NT5DC1: variants seen among roughly 807,000 people sequenced by gnomAD.
NT5DC1 encodes 5'-nucleotidase domain containing 1, also known as 5'-nucleotidase domain-containing protein 1.
NT5DC1 carries 42 observed loss-of-function variants against 59.4 expected under a neutral mutation model. That is an observed-to-expected ratio of 0.71 (90% CI 0.55 to 0.92). The LOEUF is 0.92. Ranked by LOEUF, NT5DC1 falls within the 40% of genes least tolerant of loss-of-function variation. The pLI, the probability that NT5DC1 is intolerant of heterozygous loss-of-function variation, is 0.00. For missense variants in NT5DC1, 501 were observed against 537.1 expected (o/e 0.93, Z 0.66); for synonymous variants, 172 against 188.1 (o/e 0.91, Z 0.70).
chr6:116,184,480 T>A (rs927865900), intron 6 of NT5DC1, among the ~76,000 whole-genome samples: 1 of 152,054 alleles, frequency 6.6e-6, no homozygotes, highest in Non-Finnish European at 1.5e-5. Flanking sequence ...ATTCTTTGAA[T>A]GTCTGATAGC....
At chr6:116,129,840 T>C (rs1451068879) in intron 6 of NT5DC1, among the ~76,000 whole-genome samples, 2 of 152,174 alleles carry the variant, frequency 1.3e-5, no homozygotes, top group African/African-American at 4.8e-5. Flanking sequence ...CTAGAATTTG[T>C]TGTCACTTAA....
chr6:116,191,805 T>C lies in NT5DC1; in HGVS notation c.530-29249T>C, dbSNP rs577520761. Among the ~76,000 whole-genome samples the C allele has an allele frequency of 3.3e-5, 5 of 152,152 alleles. No individual in the cohort carries two copies. In the South Asian group the frequency reaches 1.0e-3, roughly 32 times the overall value. The stretch of plus-strand genomic sequence containing the variant: ...AGTGTGTATATTGATGTACAGTATT[T>C]ATATATTTGTATTCCCCAAACCTTA... On this transcript the variant is annotated intron_variant, in intron 6 of 11. Coordinates refer to ENST00000319550, the MANE Select transcript of NT5DC1 (RefSeq NM_152729.3).
At chr6:116,104,606 G>A (rs1778733683) in intron 1 of NT5DC1, among the ~76,000 whole-genome samples, 1 of 152,156 alleles carries the variant, frequency 6.6e-6, no homozygotes, top group Non-Finnish European at 1.5e-5. Context: ...CTACCTGTCA[G>A]GGCAGTGTTT....
chr6:116,129,673 G>A (rs959582710), intron 6 of NT5DC1, among the ~76,000 whole-genome samples: 1 of 152,116 alleles, frequency 6.6e-6, no homozygotes, highest in African/African-American at 2.4e-5. Context: ...GCCGAATAAA[G>A]CTCTGTTCAT....
Position 116,238,355 on chromosome 6 carries a change from G to T in NT5DC1, c.1083+7G>T. ...GAAGAAAGGAAAATATGAGGTAAGG[G>T]TTCCCTGCAGCTCTTTCCTTGAAAG... On this transcript the variant is annotated splice_region_variant and intron_variant, in intron 10 of 11. Coordinates refer to ENST00000319550, the MANE Select transcript of NT5DC1 (RefSeq NM_152729.3). 1 of 1,570,458 alleles carries T rather than the reference G, an allele frequency of 6.4e-7. No individual in the cohort carries two copies. Among genetic ancestry groups the T allele is most frequent in the Non-Finnish European group, 8.6e-7 (1 of 1,161,610 alleles).
At chr6:116,225,528 G>C (rs1029246535) in intron 8 of NT5DC1, among the ~76,000 whole-genome samples, 1 of 152,220 alleles carries the variant, frequency 6.6e-6, no homozygotes, top group Non-Finnish European at 1.5e-5. Flanking sequence ...AGGGTAGCCA[G>C]CTAGTCCAAA....
At chr6:116,116,957 A>G (rs1778976257) in intron 5 of NT5DC1, among the ~76,000 whole-genome samples, 1 of 152,174 alleles carries the variant, frequency 6.6e-6, no homozygotes, top group Non-Finnish European at 1.5e-5. Flanking sequence ...ATTTTAATGT[A>G]ATGTTTATTT....
At chr6:116,121,214 G>A in intron 6 of NT5DC1, 2 of 1,613,648 alleles carry the variant, frequency 1.2e-6, no homozygotes, top group Non-Finnish European at 1.7e-6. Context: ...TGGCAAGCCT[G>A]GTTTCCCAAA....
At chr6:116,144,184 C>T (rs1281157364) in intron 6 of NT5DC1, among the ~76,000 whole-genome samples, 1 of 152,006 alleles carries the variant, frequency 6.6e-6, no homozygotes, top group Non-Finnish European at 1.5e-5. Flanking sequence ...AGTATGAAAA[C>T]AAACATATTC....
At chr6:116,112,116 C>T (rs1240493904) in intron 4 of NT5DC1, among the ~76,000 whole-genome samples, 6 of 152,164 alleles carry the variant, frequency 3.9e-5, no homozygotes, top group Admixed American at 3.9e-4. Context: ...CACTAGAGAG[C>T]GCCACCTCTT....
rs190944959 is a variant in NT5DC1, at chr6:116,153,479, A to G, written c.529+35534A>G. The stretch of plus-strand genomic sequence containing the variant: ...CTGGAGTTCAAAATAATAGAAGATA[A>G]TATGCCATTTATTCATTTAATTTTT... On this transcript the variant is annotated intron_variant, in intron 6 of 11. Coordinates refer to ENST00000319550, the MANE Select transcript of NT5DC1 (RefSeq NM_152729.3). Among the ~76,000 whole-genome samples, 99 of 152,228 alleles carry G rather than the reference A, an allele frequency of 6.5e-4. 2 individuals carry two copies. The highest frequency in any genetic ancestry group is 2.1e-4 in the Non-Finnish European group (14 of 67,984).
At chr6:116,228,905 C>T (rs951215767) in intron 8 of NT5DC1, among the ~76,000 whole-genome samples, 1 of 152,136 alleles carries the variant, frequency 6.6e-6, no homozygotes, top group Non-Finnish European at 1.5e-5. Context: ...TCCTTCAGCT[C>T]TCTACCACTG....
At position 116,115,673 on chromosome 6, in the gene NT5DC1, A is replaced by C; in HGVS notation, c.365-18A>C. 7.4e-7 allele frequency: 1 copy of C among 1,355,650 alleles called. No homozygotes were observed. Among genetic ancestry groups the C allele is most frequent in the African/African-American group, 1.4e-5 (1 of 70,100 alleles). 84.0% of individuals were successfully genotyped at this position (1,355,650 alleles called of 1,614,324 possible). A position where few individuals can be genotyped will look rare whatever the true frequency, so the allele number is the denominator to read the frequency against. On this transcript the variant is annotated intron_variant, in intron 4 of 11. Coordinates refer to ENST00000319550, the MANE Select transcript of NT5DC1 (RefSeq NM_152729.3). ...CAGCATTATGTTGTTCCCAGTTTAA[A>C]ATTTTGTTCTTTTTTAGGAAAGTAT...
rs776121617 is a variant in NT5DC1 at position 116,120,951 on chromosome 6, C to A, written c.529+3006C>A. ...TCGAGACCTGGTTTTCCTGGGTACC[C>A]TGGTTTTCCATCTGACCCAGGGGAA... On this transcript the variant is annotated intron_variant, in intron 6 of 11. Transcript: ENST00000319550. 1 of 1,613,842 alleles carries A rather than the reference C, an allele frequency of 6.2e-7. No individual in the cohort carries two copies. The highest frequency in any genetic ancestry group is 1.7e-5 in the Admixed American group (1 of 60,006).
At chr6:116,235,089 A>C (rs1294429441) in intron 8 of NT5DC1, among the ~76,000 whole-genome samples, 1 of 149,404 alleles carries the variant, frequency 6.7e-6, no homozygotes, top group Non-Finnish European at 1.5e-5. Flanking sequence ...AACATTTAAG[A>C]AGTTATAATA....
chr6:116,101,615 C>T (rs1306502617), intron 1 of NT5DC1, among the ~76,000 whole-genome samples: 1 of 152,116 alleles, frequency 6.6e-6, no homozygotes, highest in Non-Finnish European at 1.5e-5. Flanking sequence ...GAAGAAAATA[C>T]ATATTTATTG....
At chr6:116,141,807 G>A (rs1477900235) in intron 6 of NT5DC1, among the ~76,000 whole-genome samples, 1 of 148,050 alleles carries the variant, frequency 6.8e-6, no homozygotes, top group African/African-American at 2.5e-5. Flanking sequence ...TTCCAGTTGA[G>A]GATTATGATA....
chr6:116,123,801 T>A (rs2114301714), intron 6 of NT5DC1, among the ~76,000 whole-genome samples: 1 of 152,366 alleles, frequency 6.6e-6, no homozygotes, highest in Non-Finnish European at 1.5e-5. Flanking sequence ...GATATTTTCA[T>A]TTGTTCTGCA....
intron 8 of NT5DC1, among the ~76,000 whole-genome samples, chr6:116,228,414 A>G (rs1278374512): frequency 3.3e-5 from 5 of 152,158 alleles, no homozygotes; most frequent in Non-Finnish European, 4.4e-5. Context: ...AGGCTGAGGC[A>G]GGAGAATCGC....
Sources: gnomAD v4.1 joint callset for allele counts (sites outside exome capture counted in the v4.1 genomes callset) on GRCh38, gnomAD v4.1.1 for gene constraint, MANE v1.5 for transcripts, NCBI Gene and HGNC (gene_info 2026-07-23, HGNC 2026-07-21) for gene names.